PRR7: variants seen among roughly 807,000 people sequenced by gnomAD.
PRR7 encodes proline rich 7, synaptic.
In PRR7, 8 loss-of-function variants were observed where a neutral mutation model predicts 18.5. The ratio of observed to expected loss-of-function variants is 0.43; its 90% CI spans 0.25 to 0.78. The LOEUF (loss-of-function observed/expected upper bound fraction) is 0.78, where lower values mean the gene tolerates loss of function less well. Among genes scored for constraint, PRR7 ranks in the 30% least tolerant of loss-of-function variants. The pLI is 0.22. For synonymous variants in PRR7, 221 were observed against 187.7 expected, an observed-to-expected ratio of 1.18 and a Z score of -1.45; for missense variants, 396 against 403.1, an observed-to-expected ratio of 0.98 and a Z score of 0.15.
chr5:177,455,982 T>G lies in PRR7; in HGVS notation c.686T>G (p.Leu229Arg). ...APRPAPPCPA[L>R]CLQADRGRRV... ...CGGCCCGCGCCGCCCTGCCCAGCCCTCTGCCTGCAGGCCGACCGTGGCCGC... is the reference window on the plus strand; with the variant it reads ...CGGCCCGCGCCGCCCTGCCCAGCCCGCTGCCTGCAGGCCGACCGTGGCCGC... Residue 229 changes from leucine (L) to arginine (R), a missense_variant, in exon 4 of 4, where the codon CTC (leucine) becomes CGC (arginine). Leu to Arg is a moderately radical substitution (Grantham distance 102). Around this residue, in one of 2 missense-constraint regions of PRR7, gnomAD observed 383 missense variants for 372.6 expected, o/e 1.03. Coordinates refer to ENST00000323249, the MANE Select transcript of PRR7 (RefSeq NM_030567.5). This position sits in a 1 kb window ranked among gnomAD's most constrained non-coding sequence, Gnocchi z 6.9. 1.3e-6 allele frequency: 2 copies of G among 1,589,736 alleles called. No homozygotes were observed. The highest frequency in any genetic ancestry group is 2.2e-5 in the South Asian group (2 of 89,086).
Position 177,455,697 on chromosome 5 carries a change from C to T in PRR7, c.428-27C>T, listed in dbSNP as rs543886443. 1.2e-5 allele frequency: 19 copies of T among 1,538,888 alleles called. No individual in the cohort carries two copies. The highest frequency in any genetic ancestry group is 9.8e-5 in the South Asian group (8 of 81,416). On this transcript the variant is annotated intron_variant, in intron 3 of 3. Coordinates refer to ENST00000323249, the MANE Select transcript of PRR7 (RefSeq NM_030567.5). This position sits in a 1 kb window ranked among gnomAD's most constrained non-coding sequence, Gnocchi z 6.9. ...AGAGGCTGGGAACCGGCGGCCTCAC[C>T]TCCTCCGACCGCCTCCCACTCCGCA... is the stretch of plus-strand genomic sequence containing the variant.
At position 177,455,143 on chromosome 5, in the gene PRR7, C is replaced by A; in HGVS notation, c.76C>A (p.Leu26Met). 1 of 1,565,778 alleles carries A rather than the reference C, an allele frequency of 6.4e-7. No individual in the cohort carries two copies. Residue 26 changes from leucine (L) to methionine (M), a missense_variant, in exon 3 of 4, where the codon CTG becomes ATG. By Grantham distance (15) the Leu-to-Met change is conservative. Around this residue, in one of 2 missense-constraint regions of PRR7, gnomAD observed 383 missense variants for 372.6 expected, o/e 1.03. Transcript: ENST00000323249. The surrounding 1 kb of genome is among the most constrained non-coding windows in gnomAD (Gnocchi z 6.9). ...CTGGCTCATCTGGGGTCTCATCGTC[C>A]TGCTCTGCTGCTTCTGCAGCTTCCT... Reference protein sequence around the residue: ...GFWLIWGLIVLLCCFCSFLRR... With the variant: ...GFWLIWGLIVMLCCFCSFLRR...
chr5:177,453,140 G>C lies in PRR7; in HGVS notation c.-324-816G>C, dbSNP rs536148242. Among the ~76,000 whole-genome samples, 5 of 152,350 alleles carry C rather than the reference G, an allele frequency of 3.3e-5. No homozygotes were observed. The South Asian group carries it at 1.0e-3, about 32-fold the overall frequency. Reference sequence around the variant, plus strand: ...AATGGGCACAACCACCACAGACAAGGTGGTGTTGAAGAGAGGATTCTGCGT... The same window carrying C: ...AATGGGCACAACCACCACAGACAAGCTGGTGTTGAAGAGAGGATTCTGCGT... On this transcript the variant is annotated intron_variant, in intron 1 of 3. Coordinates refer to ENST00000323249, the MANE Select transcript of PRR7 (RefSeq NM_030567.5).
chr5:177,451,680 C>T (rs1756173580), intron 1 of PRR7, among the ~76,000 whole-genome samples: 1 of 80,744 alleles, frequency 1.2e-5, no homozygotes, highest in East Asian at 2.8e-4. Context: ...CACCCTCAGG[C>T]AGGGAGCACC....
Position 177,455,446 on chromosome 5 carries a change from C to A in PRR7, c.379C>A (p.Pro127Thr). Residue 127 changes from proline (P) to threonine (T), a missense_variant, in exon 3 of 4, where the codon CCT (proline) becomes ACT (threonine). By Grantham distance (38) the Pro-to-Thr change is conservative. This residue lies in a region of PRR7 where 383 missense variants were observed against 372.6 expected (regional missense o/e 1.03). Transcript: ENST00000323249. The surrounding 1 kb of genome is among the most constrained non-coding windows in gnomAD (Gnocchi z 6.9). ...PHHHALPHPPPTHLSVPPRPW... is the reference protein window; with the variant it reads ...PHHHALPHPPTTHLSVPPRPW... ...CCACCACGCGCTCCCGCACCCGCCG[C>A]CTACGCACCTGTCGGTGCCGCCACG... The A allele has an allele frequency of 6.6e-7, 1 of 1,505,768 alleles. No individual in the cohort carries two copies. The highest frequency in any genetic ancestry group is 8.8e-7 in the Non-Finnish European group (1 of 1,135,002). 93.3% of individuals were successfully genotyped at this position (1,505,768 alleles called of 1,614,324 possible). A position where few individuals can be genotyped will look rare whatever the true frequency, so the allele number is the denominator to read the frequency against.
rs1224395825 is a variant in PRR7, at chr5:177,450,502, G to T, written c.-324-3454G>T. On this transcript the variant is annotated intron_variant, in intron 1 of 3. Transcript: ENST00000323249. This position sits in a 1 kb window ranked among gnomAD's most constrained non-coding sequence, Gnocchi z 6.6. ...ATTGGACACAGAGCCAGCCCTTGAGGTACTCCCCCGGTCCCACAGCTAAAA... is the reference window on the plus strand; with the variant it reads ...ATTGGACACAGAGCCAGCCCTTGAGTTACTCCCCCGGTCCCACAGCTAAAA... 6.6e-6 allele frequency among the ~76,000 whole-genome samples: 1 copy of T among 152,164 alleles called. No homozygotes were observed. The highest frequency in any genetic ancestry group is 1.5e-5 in the Non-Finnish European group (1 of 68,034).
At chr5:177,451,038 C>T (rs1013788348) in intron 1 of PRR7, among the ~76,000 whole-genome samples, 6 of 152,246 alleles carry the variant, frequency 3.9e-5, no homozygotes, top group South Asian at 2.1e-4. Flanking sequence ...AGGGGAGAGA[C>T]GATGCTGGCC....
Position 177,454,554 on chromosome 5 carries a change from GC to G in PRR7, c.-239-274del, listed in dbSNP as rs1478959133. ...GGCGAATCTCTCGTTCGGACTCAGA[GC>G]TGGAGTCCGTCCTTCGCGCGCCCCC... On this transcript the variant is annotated intron_variant, in intron 2 of 3. Coordinates refer to ENST00000323249, the MANE Select transcript of PRR7 (RefSeq NM_030567.5). This position sits in a 1 kb window ranked among gnomAD's most constrained non-coding sequence, Gnocchi z 4.7. 6.6e-6 allele frequency among the ~76,000 whole-genome samples: 1 copy of G among 152,168 alleles called. No individual in the cohort carries two copies. The highest frequency in any genetic ancestry group is 1.5e-5 in the Non-Finnish European group (1 of 68,010).
In PRR7 at chr5:177,455,977, A is replaced by C. The variant is rs769025501; in HGVS notation, c.681A>C (p.Pro227=). The C allele has an allele frequency of 4.4e-6, 7 of 1,590,862 alleles. No homozygotes were observed. Among genetic ancestry groups the C allele is most frequent in the Non-Finnish European group, 6.0e-6 (7 of 1,173,078 alleles). Residue 227 remains proline, a synonymous_variant, in exon 4 of 4, where the codon CCA becomes CCC. Transcript: ENST00000323249. This position sits in a 1 kb window ranked among gnomAD's most constrained non-coding sequence, Gnocchi z 6.9. Reference sequence around the variant, plus strand: ...CCCCTCGGCCCGCGCCGCCCTGCCCAGCCCTCTGCCTGCAGGCCGACCGTG... The same window carrying C: ...CCCCTCGGCCCGCGCCGCCCTGCCCCGCCCTCTGCCTGCAGGCCGACCGTG... ...PSAPRPAPPC[P]ALCLQADRGR... is the part of the protein sequence containing the mutation.
In PRR7 at chr5:177,456,009, G is replaced by C; in HGVS notation, c.713G>C (p.Arg238Pro). The C allele has an allele frequency of 1.9e-6, 3 of 1,581,212 alleles. No homozygotes were observed. The highest frequency in any genetic ancestry group is 1.3e-5 in the African/African-American group (1 of 74,430). Residue 238 changes from arginine to proline, a missense_variant, in exon 4 of 4, where the codon CGG becomes CCG. Transcript: ENST00000323249. Reference sequence around the variant, plus strand: ...TGCCTGCAGGCCGACCGTGGCCGCCGGGTCTTCCCCAGCTGGACCGACTCA... The same window carrying C: ...TGCCTGCAGGCCGACCGTGGCCGCCCGGTCTTCCCCAGCTGGACCGACTCA... ...ALCLQADRGR[R>P]VFPSWTDSEL...
Position 177,455,146 on chromosome 5 carries a change from C to A in PRR7, c.79C>A (p.Leu27Ile). 6.4e-7 allele frequency: 1 copy of A among 1,570,738 alleles called. No homozygotes were observed. The highest frequency in any genetic ancestry group is 8.6e-7 in the Non-Finnish European group (1 of 1,162,394). Residue 27 changes from leucine (L) to isoleucine (I), a missense_variant, in exon 3 of 4, where the codon CTC becomes ATC. Coordinates refer to ENST00000323249, the MANE Select transcript of PRR7 (RefSeq NM_030567.5). The surrounding 1 kb of genome is among the most constrained non-coding windows in gnomAD (Gnocchi z 6.9). ...GCTCATCTGGGGTCTCATCGTCCTG[C>A]TCTGCTGCTTCTGCAGCTTCCTGCG... is the stretch of plus-strand genomic sequence containing the variant. ...FWLIWGLIVL[L>I]CCFCSFLRRR...
chr5:177,455,833 G>C lies in PRR7; in HGVS notation c.537G>C (p.Lys179Asn). 1.2e-6 allele frequency: 2 copies of C among 1,612,198 alleles called. No individual in the cohort carries two copies. The highest frequency in any genetic ancestry group is 1.7e-6 in the Non-Finnish European group (2 of 1,179,742). The change falls in exon 4 of 4, where the codon AAG becomes AAC. Residue 179 changes from lysine (K) to asparagine (N), a missense_variant. Physicochemically the swap from Lys to Asn is moderately conservative, Grantham distance 94. Around this residue, in one of 2 missense-constraint regions of PRR7, gnomAD observed 383 missense variants for 372.6 expected, o/e 1.03. Coordinates refer to ENST00000323249, the MANE Select transcript of PRR7 (RefSeq NM_030567.5). This position sits in a 1 kb window ranked among gnomAD's most constrained non-coding sequence, Gnocchi z 6.9. ...VLTDTRGLYR[K>N]IVTPFLSRRD... ...CGGACACGCGCGGCCTCTACCGCAA[G>C]ATCGTCACGCCCTTCCTGAGTCGCC... is the stretch of plus-strand genomic sequence containing the variant.
intron 1 of PRR7, chr5:177,447,725 G>A (rs1581699906): frequency 1.3e-5 from 2 of 152,388 alleles, no homozygotes; most frequent in East Asian, 1.9e-4. Flanking sequence ...CCCGCGGTGA[G>A]TCTCTGCTCC....
At chr5:177,448,208 G>A (rs1409510329) in intron 1 of PRR7, 1 of 152,270 alleles carries the variant, frequency 6.6e-6, no homozygotes. Flanking sequence ...GAGGTGACTG[G>A]CATCTGGGGC....
intron 1 of PRR7, among the ~76,000 whole-genome samples, chr5:177,451,939 C>CA (rs1339380528): frequency 3.4e-4 from 38 of 110,416 alleles, no homozygotes; most frequent in Non-Finnish European, 1.5e-4. Context: ...ACACCCTTTG[C>CA]ATGATTAGCT....
intron 1 of PRR7, among the ~76,000 whole-genome samples, chr5:177,452,189 T>TTCGGTCCATCTGCAGGGCA (rs1287173744): frequency 4.5e-4 from 68 of 152,318 alleles, no homozygotes; most frequent in Admixed American, 1.4e-3. Context: ...AATGGCAGAC[T>TTCGGTCCATCTGCAGGGCA]TCGGTCCATC....
At chr5:177,447,272 C>T (rs896390323) in intron 1 of PRR7, among the ~76,000 whole-genome samples, 3 of 152,116 alleles carry the variant, frequency 2.0e-5, no homozygotes, top group African/African-American at 7.2e-5. Flanking sequence ...CCTCCCCCCT[C>T]CCCCGACGCG....
Position 177,450,230 on chromosome 5 carries a change from G to A in PRR7, c.-325+3270G>A, listed in dbSNP as rs561950479. Reference sequence around the variant, plus strand: ...CCCTCACCCCCTGCTCTGAGTTCCTGTCCCTTCCCTTGAAGACCAGCAGCT... The same window carrying A: ...CCCTCACCCCCTGCTCTGAGTTCCTATCCCTTCCCTTGAAGACCAGCAGCT... On this transcript the variant is annotated intron_variant, in intron 1 of 3. Coordinates refer to ENST00000323249, the MANE Select transcript of PRR7 (RefSeq NM_030567.5). This position sits in a 1 kb window ranked among gnomAD's most constrained non-coding sequence, Gnocchi z 6.6. Among the ~76,000 whole-genome samples the A allele has an allele frequency of 6.6e-6, 1 of 152,138 alleles. No homozygotes were observed. The highest frequency in any genetic ancestry group is 6.5e-5 in the Admixed American group (1 of 15,278).
In PRR7 at chr5:177,454,485, G is replaced by T. The variant is rs959313440; in HGVS notation, c.-239-344G>T. Among the ~76,000 whole-genome samples the T allele has an allele frequency of 1.3e-5, 2 of 152,176 alleles. No homozygotes were observed. The highest frequency in any genetic ancestry group is 4.8e-5 in the African/African-American group (2 of 41,456). The stretch of plus-strand genomic sequence containing the variant: ...GCCGAGACGCCTCTTCAGGGACCTG[G>T]TGCGCACAGGCTCCTGAAACCCTTT... On this transcript the variant is annotated intron_variant, in intron 2 of 3. Transcript: ENST00000323249. The surrounding 1 kb of genome is among the most constrained non-coding windows in gnomAD (Gnocchi z 4.7).
Sources: gnomAD v4.1 joint callset for allele counts (sites outside exome capture counted in the v4.1 genomes callset) on GRCh38, gnomAD v4.1.1 for gene constraint, gnomAD v4.1.1 regional missense constraint, Gnocchi (gnomAD v3.1) non-coding constraint, MANE v1.5 for transcripts, NCBI Gene and HGNC (gene_info 2026-07-23, HGNC 2026-07-21) for gene names.